KCNB2: variants seen among roughly 807,000 people sequenced by gnomAD.
The protein encoded by KCNB2 is delayed rectifier potassium channel protein.
In KCNB2, 15 loss-of-function variants were observed where a neutral mutation model predicts 61.5. The observed-to-expected ratio is 0.24, with a 90% CI of 0.16 to 0.38. The LOEUF (loss-of-function observed/expected upper bound fraction) is 0.38. Among genes scored for constraint, KCNB2 ranks in the 10% least tolerant of loss-of-function variants. KCNB2 has a pLI of 1.00. For missense variants in KCNB2, 828 were observed against 1,125.2 expected, an observed-to-expected ratio of 0.74 and a Z score of 3.78; for synonymous variants, 457 against 446.0, an observed-to-expected ratio of 1.02 and a Z score of -0.31.
At chr8:72,725,886 C>A (rs559127969) in intron 2 of KCNB2, among the ~76,000 whole-genome samples, 1 of 151,804 alleles carries the variant, frequency 6.6e-6, no homozygotes, top group Admixed American at 6.6e-5. Context: ...TTTTAAAAGG[C>A]CTCTAAAAGC....
intron 2 of KCNB2, among the ~76,000 whole-genome samples, chr8:72,786,585 C>A (rs62518154): frequency 0.14 from 21,421 of 152,108 alleles, 1,820 homozygotes; most frequent in South Asian, 0.3. Flanking sequence ...TGGGGTTCAG[C>A]TCTGAGGCTG....
intron 2 of KCNB2, among the ~76,000 whole-genome samples, chr8:72,685,320 A>AAT (rs1325960171): frequency 6.6e-6 from 1 of 152,056 alleles, no homozygotes; most frequent in African/African-American, 2.4e-5. Context: ...AGTTCTGAAA[A>AAT]ATATATATAT....
At chr8:72,650,826 G>C (rs1806200065) in intron 2 of KCNB2, among the ~76,000 whole-genome samples, 1 of 152,126 alleles carries the variant, frequency 6.6e-6, no homozygotes, top group Non-Finnish European at 1.5e-5. Context: ...TGAAGATTTA[G>C]AAATAAATAC....
At position 72,869,108 on chromosome 8, in the gene KCNB2, C is replaced by T. The variant is rs12544431; in HGVS notation, c.580-66827C>T. On this transcript the variant is annotated intron_variant, in intron 2 of 2. Transcript: ENST00000523207. ...TTCTTTCACTAACATAAAGAGGAAA[C>T]GCATCTAGCTCAGGAAGCTGCACAG... Among the ~76,000 whole-genome samples the T allele has an allele frequency of 4.1e-3, 624 of 152,292 alleles. 5 individuals are homozygous for T. The highest frequency in any genetic ancestry group is 0.014 in the Admixed American group (217 of 15,302).
chr8:72,745,151 A>C (rs1011335724), intron 2 of KCNB2, among the ~76,000 whole-genome samples: 18 of 152,168 alleles, frequency 1.2e-4, no homozygotes, highest in African/African-American at 4.1e-4. Context: ...TACCCACCCC[A>C]CCTTGGGAAA....
intron 2 of KCNB2, among the ~76,000 whole-genome samples, chr8:72,664,601 GATAGAAAGC>G (rs1375339384): frequency 1.3e-5 from 2 of 152,152 alleles, no homozygotes; most frequent in African/African-American, 2.4e-5. Flanking sequence ...TGATTTGAAA[GATAGAAAGC>G]ATCTCTTTCA....
chr8:72,635,264 G>C (rs1177937636), intron 2 of KCNB2, among the ~76,000 whole-genome samples: 1 of 152,120 alleles, frequency 6.6e-6, no homozygotes, highest in Non-Finnish European at 1.5e-5. Context: ...GGTAGACAGA[G>C]GCAACACCCA....
In KCNB2 at chr8:72,632,809, A is replaced by T. The variant is rs188231121; in HGVS notation, c.579+64496A>T. On this transcript the variant is annotated intron_variant, in intron 2 of 2. Coordinates refer to ENST00000523207, the MANE Select transcript of KCNB2 (RefSeq NM_004770.3). ...GTGTGTGTGGTCATTGCCACCTCCA[A>T]CCCCCGCCCAATATGGCAGCATTTT... is the stretch of plus-strand genomic sequence containing the variant. Among the ~76,000 whole-genome samples, 358 of 152,110 alleles carry T rather than the reference A, an allele frequency of 2.4e-3. 1 individual carries two copies. The highest frequency in any genetic ancestry group is 8.4e-3 in the African/African-American group (347 of 41,494).
intron 2 of KCNB2, among the ~76,000 whole-genome samples, chr8:72,868,983 G>A (rs1430401994): frequency 6.6e-6 from 1 of 152,190 alleles, no homozygotes; most frequent in Admixed American, 6.5e-5. Flanking sequence ...GAACTAGGCA[G>A]ATGACTATAA....
intron 2 of KCNB2, among the ~76,000 whole-genome samples, chr8:72,821,899 C>T (rs55985422): frequency 1.3e-5 from 2 of 152,128 alleles, no homozygotes; most frequent in Non-Finnish European, 2.9e-5. Flanking sequence ...CTGCCTCTCC[C>T]TTAGCCTACC....
intron 1 of KCNB2, among the ~76,000 whole-genome samples, chr8:72,556,524 A>C (rs1346158400): frequency 6.6e-6 from 1 of 152,176 alleles, no homozygotes; most frequent in Non-Finnish European, 1.5e-5. Context: ...GGTGGTGTCT[A>C]TAGTTCAGGG....
chr8:72,549,222 C>G (rs1806307368), intron 1 of KCNB2, among the ~76,000 whole-genome samples: 1 of 152,176 alleles, frequency 6.6e-6, no homozygotes, highest in South Asian at 2.1e-4. Flanking sequence ...ATATCCCTTT[C>G]CTTGCTTGGG....
chr8:72,746,788 G>T (rs151268026), intron 2 of KCNB2, among the ~76,000 whole-genome samples: 400 of 152,260 alleles, frequency 2.6e-3, no homozygotes, highest in Non-Finnish European at 4.4e-3. Flanking sequence ...ATTTGAGGTG[G>T]AGAGCCACAA....
intron 2 of KCNB2, among the ~76,000 whole-genome samples, chr8:72,842,768 A>T (rs2129002731): frequency 6.6e-6 from 1 of 152,242 alleles, no homozygotes; most frequent in South Asian, 2.1e-4. Flanking sequence ...CTTCTGTGGG[A>T]TCAGTGGTGA....
chr8:72,737,697 T>A (rs1388593275), intron 2 of KCNB2, among the ~76,000 whole-genome samples: 4 of 152,096 alleles, frequency 2.6e-5, no homozygotes, highest in African/African-American at 9.7e-5. Context: ...GACGTGGCAA[T>A]GGGGTGGACT....
intron 2 of KCNB2, among the ~76,000 whole-genome samples, chr8:72,820,579 CT>C (rs957074058): frequency 3.4e-4 from 51 of 148,592 alleles, no homozygotes; most frequent in East Asian, 3.0e-3. Context: ...TAACCTATGA[CT>C]TTTTTTTTTG....
At chr8:72,798,207 G>A (rs1478784142) in intron 2 of KCNB2, among the ~76,000 whole-genome samples, 1 of 152,130 alleles carries the variant, frequency 6.6e-6, no homozygotes, top group Non-Finnish European at 1.5e-5. Context: ...GCTCTGCCTA[G>A]ATTAGTGATA....
intron 2 of KCNB2, among the ~76,000 whole-genome samples, chr8:72,921,695 T>A (rs1479173834): frequency 6.6e-6 from 1 of 152,232 alleles, no homozygotes; most frequent in Non-Finnish European, 1.5e-5. Flanking sequence ...CTGGTGTAAG[T>A]GATTTTTACA....
rs574507688 is a variant in KCNB2, at chr8:72,565,146, T to TAC, written c.-93-2495_-93-2494insCA. Among the ~76,000 whole-genome samples, 332 of 151,958 alleles carry TAC rather than the reference T, an allele frequency of 2.2e-3. 1 individual carries two copies. Among genetic ancestry groups the TAC allele is most frequent in the African/African-American group, 7.7e-3 (319 of 41,486 alleles). On this transcript the variant is annotated intron_variant, in intron 1 of 2. Transcript: ENST00000523207. ...TGTGTGATGAAAATGTGTGTGTATA[T>TAC]ATATATATATGCTTAAAATATTCCT... is the stretch of plus-strand genomic sequence containing the variant.
Sources: allele counts gnomAD v4.1 joint callset (sites outside exome capture counted in the v4.1 genomes callset), GRCh38; gene constraint gnomAD v4.1.1; transcripts MANE v1.5; gene names NCBI Gene and HGNC (gene_info 2026-07-23, HGNC 2026-07-21).